GSK3B: variants seen among roughly 807,000 people sequenced by gnomAD.
GSK3B encodes the protein glycogen synthase kinase-3 beta.
GSK3B carries 15 observed loss-of-function variants against 56.4 expected under a neutral mutation model. The observed-to-expected ratio is 0.27, with a 90% CI of 0.18 to 0.41. The LOEUF (loss-of-function observed/expected upper bound fraction) is 0.41. GSK3B is among the 10% of genes least tolerant of loss of function. The pLI, the probability that GSK3B is intolerant of heterozygous loss-of-function variation, is 1.00. For synonymous variants in GSK3B, 181 were observed against 188.9 expected, an observed-to-expected ratio of 0.96 and a Z score of 0.34; for missense variants, 300 against 513.4, an observed-to-expected ratio of 0.58 and a Z score of 4.02.
chr3:119,978,340 G>A (rs1190953925), intron 2 of GSK3B, among the ~76,000 whole-genome samples: 2 of 152,112 alleles, frequency 1.3e-5, no homozygotes, highest in Non-Finnish European at 1.5e-5. Flanking sequence ...AATATTCCAA[G>A]CTTGTGATAA....
intron 10 of GSK3B, among the ~76,000 whole-genome samples, chr3:119,834,348 A>G (rs549459701): frequency 6.6e-6 from 1 of 152,354 alleles, no homozygotes; most frequent in South Asian, 2.1e-4. Context: ...TGAAATTATA[A>G]TTTACACTCA....
chr3:119,877,781 C>T (rs940707546), intron 7 of GSK3B, among the ~76,000 whole-genome samples: 7 of 152,062 alleles, frequency 4.6e-5, no homozygotes, highest in Non-Finnish European at 7.4e-5. Flanking sequence ...GTCTCTAGAG[C>T]TATACTAGGT....
At chr3:119,963,230 A>G (rs2057289380) in intron 2 of GSK3B, among the ~76,000 whole-genome samples, 1 of 152,222 alleles carries the variant, frequency 6.6e-6, no homozygotes, top group East Asian at 1.9e-4. Context: ...TCCTGTGTTC[A>G]TGGATTAAAT....
rs145013722 is a variant in GSK3B at position 120,005,712 on chromosome 3, G to A, written c.89-3473C>T. ...GTGAAGGAGAAATAAAATCCTTTAC[G>A]GACAAGCAAATGCTGAGAGATTTTG... On this transcript the variant is annotated intron_variant, in intron 1 of 10. Coordinates refer to ENST00000264235, the MANE Select transcript of GSK3B (RefSeq NM_001146156.2). Among the ~76,000 whole-genome samples, 665 of 152,142 alleles carry A rather than the reference G, an allele frequency of 4.4e-3. 1 individual carries two copies. The highest frequency in any genetic ancestry group is 0.015 in the African/African-American group (615 of 41,504).
intron 1 of GSK3B, 97 bp downstream of exon 1, chr3:120,093,246 CTGTT>C (rs1170879823): frequency 1.3e-5 from 10 of 792,656 alleles, no homozygotes; most frequent in African/African-American, 6.8e-5. Flanking sequence ...TTTCCATTGC[CTGTT>C]TATCAGGAGG....
At chr3:120,027,916 T>C (rs577955889) in intron 1 of GSK3B, among the ~76,000 whole-genome samples, 4 of 152,362 alleles carry the variant, frequency 2.6e-5, no homozygotes, top group African/African-American at 9.6e-5. Flanking sequence ...TATTCAATTA[T>C]ATTCTTTCCA....
intron 1 of GSK3B, among the ~76,000 whole-genome samples, chr3:120,021,876 G>T (rs985269869): frequency 1.3e-5 from 2 of 152,194 alleles, no homozygotes; most frequent in Non-Finnish European, 2.9e-5. Flanking sequence ...TGAGAGGACT[G>T]ATTCCAATTT....
chr3:120,036,533 C>A (rs894517715), intron 1 of GSK3B, among the ~76,000 whole-genome samples: 5 of 152,112 alleles, frequency 3.3e-5, no homozygotes, highest in African/African-American at 1.2e-4. Context: ...TGGCTCATGC[C>A]TGTAATCTCA....
At chr3:119,868,090 T>C (rs1020340007) in intron 8 of GSK3B, among the ~76,000 whole-genome samples, 1 of 101,984 alleles carries the variant, frequency 9.8e-6, no homozygotes, top group African/African-American at 3.7e-5. Context: ...CAGAACAAAA[T>C]AAAACAAAGC....
chr3:119,926,095 T>C (rs1229550300), intron 3 of GSK3B, among the ~76,000 whole-genome samples: 1 of 152,198 alleles, frequency 6.6e-6, no homozygotes, highest in Non-Finnish European at 1.5e-5. Flanking sequence ...GGAAGATCCC[T>C]GGACTTAGTC....
intron 5 of GSK3B, 39 bp from the exon 6 acceptor site, chr3:119,912,849 TTAAATC>T (rs1184436229): frequency 9.5e-7 from 1 of 1,051,726 alleles, no homozygotes; most frequent in East Asian, 2.4e-5. Context: ...CAGAAATTCT[TTAAATC>T]TAAACCTTAA....
chr3:120,078,210 T>C (rs769596496), intron 1 of GSK3B, among the ~76,000 whole-genome samples: 26 of 152,192 alleles, frequency 1.7e-4, no homozygotes, highest in Non-Finnish European at 2.9e-4. Context: ...TTAGAAAGTC[T>C]AGGCTTTCTC....
Position 120,093,810 on chromosome 3 carries a change from C to T in GSK3B, c.-376G>A. The T allele has an allele frequency of 4.3e-6, 1 of 234,456 alleles. No individual in the cohort carries two copies. Among genetic ancestry groups the T allele is most frequent in the Non-Finnish European group, 8.4e-6 (1 of 118,884 alleles). The allele number at this position is 234,456 out of a possible 1,614,324, so 14.5% of individuals were successfully genotyped here. A position where few individuals can be genotyped will look rare whatever the true frequency, so the allele number is the denominator to read the frequency against. ...ATGAGTACTTCGAATATTATATTTTCCTCGGGGATTTTTTTTCCGAGTCAA... is the reference window on the plus strand; with the variant it reads ...ATGAGTACTTCGAATATTATATTTTTCTCGGGGATTTTTTTTCCGAGTCAA... On this transcript the variant is annotated 5_prime_UTR_variant, in exon 1 of 11. Coordinates refer to ENST00000264235, the MANE Select transcript of GSK3B (RefSeq NM_001146156.2).
intron 2 of GSK3B, among the ~76,000 whole-genome samples, chr3:119,961,098 C>G (rs1445601862): frequency 6.6e-6 from 1 of 152,060 alleles, no homozygotes; most frequent in Non-Finnish European, 1.5e-5. Flanking sequence ...GAGCCCCCAC[C>G]CCTCAAAACA....
chr3:119,881,921 C>T (rs1440934157), intron 7 of GSK3B, among the ~76,000 whole-genome samples: 2 of 152,270 alleles, frequency 1.3e-5, no homozygotes, highest in East Asian at 3.9e-4. Context: ...GACAAGCTCT[C>T]GTCTCTTGAC....
intron 1 of GSK3B, among the ~76,000 whole-genome samples, chr3:120,005,602 G>A (rs550474652): frequency 4.6e-5 from 7 of 152,352 alleles, no homozygotes; most frequent in South Asian, 2.1e-4. Flanking sequence ...CAAGCCAGAA[G>A]AGAGTAGGGG....
rs114072321 is a variant in GSK3B at position 119,961,314 on chromosome 3, T to C, written c.283-13963A>G. On this transcript the variant is annotated intron_variant, in intron 2 of 10. Coordinates refer to ENST00000264235, the MANE Select transcript of GSK3B (RefSeq NM_001146156.2). ...AACAACAGCACTAATCTCTTCCTCA[T>C]TGTTGGTGCATTAAAAGTGATGAGA... Among the ~76,000 whole-genome samples the C allele has an allele frequency of 4.3e-3, 658 of 152,156 alleles. 1 individual carries two copies. Among genetic ancestry groups the C allele is most frequent in the Non-Finnish European group, 7.4e-3 (504 of 67,982 alleles).
chr3:119,852,007 C>A (rs1303139904), intron 9 of GSK3B, among the ~76,000 whole-genome samples: 1 of 152,182 alleles, frequency 6.6e-6, no homozygotes, highest in Non-Finnish European at 1.5e-5. Context: ...CACATCATAA[C>A]TGCTTCTCTC....
chr3:120,076,981 G>T (rs1460535587), intron 1 of GSK3B, among the ~76,000 whole-genome samples: 3 of 151,862 alleles, frequency 2.0e-5, no homozygotes, highest in African/African-American at 7.3e-5. Context: ...CCCCTGTTAG[G>T]ATATCTATTA....
Sources: allele counts gnomAD v4.1 joint callset (sites outside exome capture counted in the v4.1 genomes callset), GRCh38; gene constraint gnomAD v4.1.1; transcripts MANE v1.5; gene names NCBI Gene and HGNC (gene_info 2026-07-23, HGNC 2026-07-21).